The following ERGIC2 variants were observed in gnomAD, a reference collection of about 807,000 sequenced individuals.
The protein encoded by ERGIC2 is ERGIC and golgi 2, also known as endoplasmic reticulum-Golgi intermediate compartment protein 2.
ERGIC2 carries 31 observed loss-of-function variants against 52.5 expected under a neutral mutation model. The observed-to-expected ratio is 0.59, with a 90% CI of 0.44 to 0.80. The LOEUF (loss-of-function observed/expected upper bound fraction) is 0.80, where lower values mean the gene tolerates loss of function less well. Ranked by LOEUF, ERGIC2 falls within the 30% of genes least tolerant of loss-of-function variation. ERGIC2 has a pLI of 0.00. For missense variants in ERGIC2, 395 were observed against 455.2 expected, an observed-to-expected ratio of 0.87 and a Z score of 1.20; for synonymous variants, 129 against 140.6, an observed-to-expected ratio of 0.92 and a Z score of 0.58.
intron 11 of ERGIC2, among the ~76,000 whole-genome samples, chr12:29,345,211 A>G (rs1316367493): frequency 1.3e-5 from 2 of 152,226 alleles, no homozygotes; most frequent in African/African-American, 2.4e-5. Flanking sequence ...AATGCAATAG[A>G]AAACCTTTCA....
chr12:29,379,562 A>T (rs1003895890), intron 1 of ERGIC2, among the ~76,000 whole-genome samples: 4 of 152,220 alleles, frequency 2.6e-5, no homozygotes, highest in Non-Finnish European at 2.9e-5. Context: ...GTAACTACAG[A>T]TGTTAGAAAA....
chr12:29,361,673 G>C lies in ERGIC2; in HGVS notation c.346C>G (p.Leu116Val). The change falls in exon 6 of 14, where the codon CTT (leucine) becomes GTT (valine). Residue 116 changes from leucine to valine, a missense_variant. Physicochemically the swap from Leu to Val is conservative, Grantham distance 32. Transcript: ENST00000360150. The stretch of plus-strand genomic sequence containing the variant: ...TGCCACTCTTTCTGCTGTGGTGAAA[G>C]ATCAAATACTGTCTGAAATGAAAGA... ...GLVYEPTVFD[L>V]SPQQKEWQRM... 1 of 1,603,510 alleles carries C rather than the reference G, an allele frequency of 6.2e-7. No individual in the cohort carries two copies. The highest frequency in any genetic ancestry group is 8.5e-7 in the Non-Finnish European group (1 of 1,174,752).
intron 2 of ERGIC2, among the ~76,000 whole-genome samples, chr12:29,370,899 C>T (rs1473612716): frequency 1.3e-5 from 2 of 151,938 alleles, no homozygotes; most frequent in Non-Finnish European, 2.9e-5. Flanking sequence ...ATAGATTTTG[C>T]AAGAACTTGC....
At chr12:29,371,989 T>C (rs1249221058) in intron 1 of ERGIC2, among the ~76,000 whole-genome samples, 4 of 152,130 alleles carry the variant, frequency 2.6e-5, no homozygotes, top group African/African-American at 9.7e-5. Flanking sequence ...TATATAAAAA[T>C]AATACACTTC....
chr12:29,340,546 A>T lies in ERGIC2; in HGVS notation c.*610T>A, dbSNP rs528728122. On this transcript the variant is annotated 3_prime_UTR_variant, in exon 14 of 14. Coordinates refer to ENST00000360150, the MANE Select transcript of ERGIC2 (RefSeq NM_016570.3). Reference sequence around the variant, plus strand: ...TCTTCAACAGTTAGATAAGTCAATAACCAGAGTTCAAAGAAAAGTAGTTAC... The same window carrying T: ...TCTTCAACAGTTAGATAAGTCAATATCCAGAGTTCAAAGAAAAGTAGTTAC... The T allele has an allele frequency of 5.0e-6, 1 of 198,892 alleles. No individual in the cohort carries two copies. The highest frequency in any genetic ancestry group is 1.0e-5 in the Non-Finnish European group (1 of 97,776). The allele number at this position is 198,892 out of a possible 1,614,324, so 12.3% of individuals were successfully genotyped here. A position where few individuals can be genotyped will look rare whatever the true frequency, so the allele number is the denominator to read the frequency against.
At chr12:29,367,802 A>C (rs1357484059) in intron 4 of ERGIC2, among the ~76,000 whole-genome samples, 1 of 151,884 alleles carries the variant, frequency 6.6e-6, no homozygotes, top group Admixed American at 6.6e-5. Context: ...CCAGTGACGA[A>C]AAAAGAAAAG....
chr12:29,366,008 G>A (rs1044058810), intron 5 of ERGIC2, among the ~76,000 whole-genome samples: 1 of 151,894 alleles, frequency 6.6e-6, no homozygotes, highest in African/African-American at 2.4e-5. Context: ...AATCAAAACT[G>A]GCCAAGGACT....
At chr12:29,374,300 C>T (rs76624923) in intron 1 of ERGIC2, among the ~76,000 whole-genome samples, 5,657 of 152,272 alleles carry the variant, frequency 0.037, 351 homozygotes, top group African/African-American at 0.13. Context: ...TCGAAACATT[C>T]TCTTACCTTG....
chr12:29,357,303 TAAAAC>T (rs1324209990), intron 7 of ERGIC2, among the ~76,000 whole-genome samples: 5 of 151,954 alleles, frequency 3.3e-5, no homozygotes, highest in African/African-American at 7.2e-5. Flanking sequence ...AAACGGGAAA[TAAAAC>T]AAAATTTCTA....
chr12:29,361,568 T>C, intron 6 of ERGIC2, 77 bp downstream of exon 6: 1 of 1,066,796 alleles, frequency 9.4e-7, no homozygotes, highest in Non-Finnish European at 1.4e-6. Context: ...GAGAAATGTG[T>C]TAATCTATAA....
At chr12:29,343,313 TAGG>T (rs1481116441) in intron 11 of ERGIC2, 31 bp from the exon 12 acceptor site, 13 of 1,542,284 alleles carry the variant, frequency 8.4e-6, no homozygotes, top group Admixed American at 1.9e-5. Context: ...AGGGGAGAAA[TAGG>T]AGGAAGAGAG....
At chr12:29,348,174 T>G (rs1026868682) in intron 10 of ERGIC2, among the ~76,000 whole-genome samples, 1 of 152,128 alleles carries the variant, frequency 6.6e-6, no homozygotes, top group Admixed American at 6.5e-5. Context: ...CATTCCCACA[T>G]GAACATAAAA....
intron 5 of ERGIC2, among the ~76,000 whole-genome samples, chr12:29,363,587 C>G (rs1336566267): frequency 6.6e-6 from 1 of 151,696 alleles, no homozygotes; most frequent in African/African-American, 2.4e-5. Flanking sequence ...TAAAATTTTC[C>G]TGCTCCATAA....
rs190332312 is a variant in ERGIC2, at chr12:29,361,632, G to A, written c.374+13C>T. ...AGATTTCTATGGACCACAATACTTT[G>A]TTCTCTTATTACCTCTGCCACTCTT... On this transcript the variant is annotated intron_variant, in intron 6 of 13. Transcript: ENST00000360150. 4.1e-4 allele frequency: 651 copies of A among 1,594,328 alleles called. 2 individuals carry two copies. Among genetic ancestry groups the A allele is most frequent in the Non-Finnish European group, 3.7e-4 (435 of 1,168,826 alleles).
At chr12:29,366,130 T>C (rs1255351324) in intron 5 of ERGIC2, among the ~76,000 whole-genome samples, 1 of 151,946 alleles carries the variant, frequency 6.6e-6, no homozygotes, top group East Asian at 1.9e-4. Context: ...TGTCAATGAT[T>C]AAGAAAAGGA....
At chr12:29,342,309 G>A (rs530736433) in intron 12 of ERGIC2, among the ~76,000 whole-genome samples, 16 of 152,158 alleles carry the variant, frequency 1.1e-4, no homozygotes, top group South Asian at 6.2e-4. Context: ...CCACTGCACC[G>A]GGCCTAAACA....
intron 1 of ERGIC2, chr12:29,372,654 CT>C (rs200662748): frequency 2.8e-5 from 4 of 141,996 alleles, no homozygotes; most frequent in Non-Finnish European, 4.6e-5. Context: ...CATTGAAAAT[CT>C]TTTTTTTTTC....
chr12:29,372,457 C>A (rs12811723), intron 1 of ERGIC2: 21,720 of 151,882 alleles, frequency 0.14, 1,588 homozygotes, highest in Middle Eastern at 0.24. Context: ...AAGAAGAAGA[C>A]ATTTACCACA....
rs192199905 is a variant in ERGIC2, at chr12:29,368,531, A to T, written c.216-244T>A. Reference sequence around the variant, plus strand: ...AACACAGTATCCTTTAATAATGGCAACTCTATAATCAATAACTCTAAGCAA... The same window carrying T: ...AACACAGTATCCTTTAATAATGGCATCTCTATAATCAATAACTCTAAGCAA... On this transcript the variant is annotated intron_variant, in intron 3 of 13. Coordinates refer to ENST00000360150, the MANE Select transcript of ERGIC2 (RefSeq NM_016570.3). Among the ~76,000 whole-genome samples the T allele has an allele frequency of 1.3e-4, 20 of 151,882 alleles. No homozygotes were observed. In the East Asian group the frequency reaches 3.9e-3, roughly 29 times the overall value.
Sources: gnomAD v4.1 joint callset for allele counts (sites outside exome capture counted in the v4.1 genomes callset) on GRCh38, gnomAD v4.1.1 for gene constraint, MANE v1.5 for transcripts, NCBI Gene and HGNC (gene_info 2026-07-23, HGNC 2026-07-21) for gene names.